The following SRSF11 variants were observed in gnomAD, a reference collection of about 807,000 sequenced individuals.
The protein encoded by SRSF11 is serine/arginine-rich splicing factor 11.
SRSF11 carries 9 observed loss-of-function variants against 56.0 expected under a neutral mutation model. The observed-to-expected ratio is 0.16, with a 90% CI of 0.10 to 0.28. The LOEUF is 0.28. Ranked by LOEUF, SRSF11 falls within the 10% of genes least tolerant of loss-of-function variation. The probability of loss-of-function intolerance (pLI) is 1.00; values close to 1 mark genes in which losing one functional copy is unlikely to be tolerated. For synonymous variants in SRSF11, 222 were observed against 215.3 expected (o/e 1.03, Z -0.27); for missense variants, 421 against 600.7 (o/e 0.70, Z 3.13).
chr1:70,244,492 T>G (rs1274878703), intron 7 of SRSF11, among the ~76,000 whole-genome samples, 192 bp from the exon 8 acceptor site: 1 of 152,126 alleles, frequency 6.6e-6, no homozygotes, highest in Non-Finnish European at 1.5e-5. Context: ...ATTCCAAGTG[T>G]TAAAAGGTAT....
At position 70,250,897 on chromosome 1, in the gene SRSF11, A is replaced by G. The variant is rs1196759866; in HGVS notation, c.*92A>G. On this transcript the variant is annotated 3_prime_UTR_variant, in exon 12 of 12. Transcript: ENST00000370949. ...TGCTGTATTTGTTCATCTCAAACCTAGATGTATACAGCTCTGAGTTATAAA... is the reference window on the plus strand; with the variant it reads ...TGCTGTATTTGTTCATCTCAAACCTGGATGTATACAGCTCTGAGTTATAAA... The G allele has an allele frequency of 2.6e-5, 28 of 1,078,738 alleles. No homozygotes were observed. Among genetic ancestry groups the G allele is most frequent in the Non-Finnish European group, 3.8e-5 (27 of 715,420 alleles). The allele number at this position is 1,078,738 out of a possible 1,614,324, so 66.8% of individuals were successfully genotyped here. A position where few individuals can be genotyped will look rare whatever the true frequency, so the allele number is the denominator to read the frequency against.
rs574095526 is a variant in SRSF11 at position 70,246,366 on chromosome 1, C to G, written c.933-452C>G. Among the ~76,000 whole-genome samples, 9 of 152,164 alleles carry G rather than the reference C, an allele frequency of 5.9e-5. No homozygotes were observed. The East Asian group carries it at 1.7e-3, about 29-fold the overall frequency. On this transcript the variant is annotated intron_variant, in intron 8 of 11. Coordinates refer to ENST00000370949, the MANE Select transcript of SRSF11 (RefSeq NM_001350605.2). ...CGCAGAAAAAGAAGCTTGCTTGATC[C>G]ATGATAGAGGTTGACATGGGATGTG...
In SRSF11 at chr1:70,227,383, C is replaced by T. The variant is rs188201945; in HGVS notation, c.204-1039C>T. On this transcript the variant is annotated intron_variant, in intron 1 of 11. Coordinates refer to ENST00000370949, the MANE Select transcript of SRSF11 (RefSeq NM_001350605.2). ...ATGTTAAAATGAAGTAGTTTTGTAC[C>T]CTGGGTGCATAAAATTGTCAGAGAG... Among the ~76,000 whole-genome samples, 188 of 151,934 alleles carry T rather than the reference C, an allele frequency of 1.2e-3. 1 individual carries two copies. Among genetic ancestry groups the T allele is most frequent in the African/African-American group, 4.4e-3 (181 of 41,416 alleles).
upstream of SRSF11, among the ~76,000 whole-genome samples, chr1:70,219,308 C>T (rs1402097337): frequency 1.3e-5 from 2 of 151,936 alleles, no homozygotes; most frequent in Non-Finnish European, 2.9e-5. Context: ...ATACCAGGAC[C>T]CCAGAGGATA....
At chr1:70,232,518 G>T in intron 3 of SRSF11, 141 bp downstream of exon 3, 1 of 622,874 alleles carries the variant, frequency 1.6e-6, no homozygotes, top group South Asian at 2.2e-5. Flanking sequence ...ATCACAAATA[G>T]TATAGAAGAT....
chr1:70,242,490 G>C (rs895306438), intron 7 of SRSF11, among the ~76,000 whole-genome samples: 1 of 102,462 alleles, frequency 9.8e-6, no homozygotes. Context: ...TTTATGTAGA[G>C]ACAGGGTTTT....
intron 1 of SRSF11, among the ~76,000 whole-genome samples, chr1:70,225,095 A>G (rs901687659): frequency 6.6e-6 from 1 of 152,200 alleles, no homozygotes; most frequent in Non-Finnish European, 1.5e-5. Context: ...GATTTAGCCA[A>G]GTAACTTGTA....
At chr1:70,249,901 T>A in intron 9 of SRSF11, 51 bp from the exon 10 acceptor site, 1 of 1,576,080 alleles carries the variant, frequency 6.3e-7, no homozygotes, top group Non-Finnish European at 8.7e-7. Flanking sequence ...TGTCTGCATT[T>A]TTAAGATCAC....
intron 9 of SRSF11, among the ~76,000 whole-genome samples, chr1:70,247,947 C>A (rs1677127701): frequency 6.6e-6 from 1 of 151,940 alleles, no homozygotes; most frequent in Non-Finnish European, 1.5e-5. Flanking sequence ...GAAATACAAA[C>A]CAGACCACAG....
At position 70,209,554 on chromosome 1, in the gene SRSF11, G is replaced by T. The variant is rs374816219; in HGVS notation, c.-26+3774G>T. On this transcript the variant is annotated intron_variant, in intron 1 of 12. Coordinates refer to the SRSF11 transcript ENST00000370950. ...CAATTTCACATTTGTTTTCCCTTCA[G>T]GGCTATCATTGCCAACTTTAAGAGT... 4.0e-5 allele frequency among the ~76,000 whole-genome samples: 6 copies of T among 151,790 alleles called. No homozygotes were observed. In the East Asian group the frequency reaches 9.6e-4, roughly 24 times the overall value.
chr1:70,224,888 G>T (rs1470426073), intron 1 of SRSF11, among the ~76,000 whole-genome samples: 2 of 152,162 alleles, frequency 1.3e-5, no homozygotes, highest in Non-Finnish European at 2.9e-5. Context: ...AATATCTATT[G>T]TGTGTGAGTT....
Position 70,221,457 on chromosome 1 carries a change from C to T in SRSF11, c.-180C>T. On this transcript the variant is annotated 5_prime_UTR_variant, in exon 1 of 12. Transcript: ENST00000370949. ...GAGCTCGCGCGCTCTCATCCCCTCC[C>T]CCGCGGCGTGCGGCGGGGCGGAGAA... The T allele has an allele frequency of 3.2e-6, 3 of 923,770 alleles. No homozygotes were observed. The South Asian group carries it at 5.1e-5, about 16-fold the overall frequency. The allele number at this position is 923,770 out of a possible 1,614,324, so 57.2% of individuals were successfully genotyped here.
At chr1:70,237,357 AG>A (rs1674355928) in intron 5 of SRSF11, 67 bp from the exon 6 acceptor site, 2 of 1,583,454 alleles carry the variant, frequency 1.3e-6, no homozygotes, top group South Asian at 2.3e-5. Context: ...TATATACTTA[AG>A]TATTTATTTG....
intron 7 of SRSF11, among the ~76,000 whole-genome samples, chr1:70,242,311 A>G (rs895357058): frequency 7.9e-5 from 12 of 151,948 alleles, no homozygotes; most frequent in African/African-American, 2.7e-4. Context: ...CTTGTAATAC[A>G]TCGTAACAGA....
intron 8 of SRSF11, among the ~76,000 whole-genome samples, chr1:70,246,262 T>TAA (rs34375598): frequency 7.5e-5 from 11 of 146,112 alleles, no homozygotes; most frequent in East Asian, 5.9e-4. Flanking sequence ...TAGGAATCTG[T>TAA]AAAAAAAAAA....
At chr1:70,241,983 A>G (rs929747751) in intron 7 of SRSF11, among the ~76,000 whole-genome samples, 2 of 152,148 alleles carry the variant, frequency 1.3e-5, no homozygotes, top group African/African-American at 2.4e-5. Context: ...CCTGGCCAAC[A>G]TAGTGAAACC....
chr1:70,241,257 G>T (rs1013929411), intron 7 of SRSF11, among the ~76,000 whole-genome samples: 9 of 152,140 alleles, frequency 5.9e-5, no homozygotes, highest in East Asian at 3.9e-4. Context: ...CCTAGACTTT[G>T]TCACGTCTCT....
chr1:70,211,149 TATTA>T (rs1172603961), intron 1 of SRSF11, among the ~76,000 whole-genome samples: 1 of 151,926 alleles, frequency 6.6e-6, no homozygotes. Flanking sequence ...TCAGATTTTG[TATTA>T]ATTGTATGGA....
intron 5 of SRSF11, among the ~76,000 whole-genome samples, chr1:70,236,998 A>C (rs192747428): frequency 6.6e-6 from 1 of 151,936 alleles, no homozygotes; most frequent in Non-Finnish European, 1.5e-5. Context: ...CGTGTTAGCC[A>C]GTATGATCTC....
Sources: allele counts gnomAD v4.1 joint callset (sites outside exome capture counted in the v4.1 genomes callset), GRCh38; gene constraint gnomAD v4.1.1; transcripts MANE v1.5; gene names NCBI Gene and HGNC (gene_info 2026-07-23, HGNC 2026-07-21).